The following NIT2 variants were observed in gnomAD, a reference collection of about 807,000 sequenced individuals.
NIT2 encodes nitrilase family member 2, also known as omega-amidase NIT2.
Under a neutral mutation model 42.7 loss-of-function variants are expected in NIT2, and 46 were observed. The observed-to-expected ratio is 1.08, with a 90% CI of 0.85 to 1.38. The LOEUF is 1.38. Among genes scored for constraint, NIT2 ranks in the 40% most tolerant of loss-of-function variants. NIT2 has a pLI of 0.00. For missense variants in NIT2, 309 were observed against 342.5 expected, an observed-to-expected ratio of 0.90 and a Z score of 0.77; for synonymous variants, 123 against 121.9, an observed-to-expected ratio of 1.01 and a Z score of -0.06.
At chr3:100,337,069 A>T (rs1706085049) in intron 1 of NIT2, among the ~76,000 whole-genome samples, 1 of 152,238 alleles carries the variant, frequency 6.6e-6, no homozygotes, top group Non-Finnish European at 1.5e-5. Flanking sequence ...TGCTGCCTTC[A>T]TGCATCTGTA....
intron 1 of NIT2, among the ~76,000 whole-genome samples, chr3:100,338,737 C>T (rs749587939): frequency 1.4e-4 from 22 of 152,312 alleles, no homozygotes; most frequent in Admixed American, 1.3e-3. Context: ...CCCTACACTG[C>T]GTAGTAAGAA....
At position 100,354,841 on chromosome 3, in the gene NIT2, G is replaced by T. The variant is rs775261632; in HGVS notation, c.739+14G>T. 1.2e-6 allele frequency: 2 copies of T among 1,609,360 alleles called. No homozygotes were observed. The highest frequency in any genetic ancestry group is 2.2e-5 in the South Asian group (2 of 89,898). On this transcript the variant is annotated intron_variant, in intron 9 of 9. Transcript: ENST00000394140. The stretch of plus-strand genomic sequence containing the variant: ...ATTCAGACATAGGTAAGATTTTCCT[G>T]GGCATGGTTTAGGTCTCTGATGTCC...
intron 4 of NIT2, among the ~76,000 whole-genome samples, chr3:100,342,198 T>C (rs2148881771): frequency 6.6e-6 from 1 of 152,370 alleles, no homozygotes; most frequent in Non-Finnish European, 1.5e-5. Context: ...AGCCTTCTTA[T>C]GCCTAATGTT....
intron 1 of NIT2, among the ~76,000 whole-genome samples, chr3:100,336,969 C>G (rs1706083307): frequency 6.6e-6 from 1 of 152,344 alleles, no homozygotes; most frequent in African/African-American, 2.4e-5. Flanking sequence ...GAATACCTGG[C>G]TTTCCTAGGC....
At chr3:100,334,950 G>T in intron 1 of NIT2, 152 bp downstream of exon 1, 1 of 777,172 alleles carries the variant, frequency 1.3e-6, no homozygotes, top group Non-Finnish European at 1.8e-6. Context: ...GTGGGTCCGG[G>T]ATCGCGTGGC....
At chr3:100,344,820 A>AT (rs1254595838) in intron 4 of NIT2, among the ~76,000 whole-genome samples, 7 of 151,462 alleles carry the variant, frequency 4.6e-5, no homozygotes, top group African/African-American at 1.7e-4. Flanking sequence ...AAATTTTTGT[A>AT]TTTTTAGTAG....
chr3:100,336,307 C>A (rs1380029110), intron 1 of NIT2, among the ~76,000 whole-genome samples: 1 of 152,128 alleles, frequency 6.6e-6, no homozygotes, highest in Non-Finnish European at 1.5e-5. Context: ...ATGGGAAGTT[C>A]GGGCAGGCCA....
Position 100,334,764 on chromosome 3 carries a change from G to A in NIT2, c.-28G>A. ...GCCGGATCTCCAGCGCTCAGTCCGC[G>A]CCGCAGGTGGTGCTTGTCTGCAGAG... On this transcript the variant is annotated 5_prime_UTR_variant, in exon 1 of 10. Coordinates refer to ENST00000394140, the MANE Select transcript of NIT2 (RefSeq NM_020202.5). 1 of 1,291,194 alleles carries A rather than the reference G, an allele frequency of 7.7e-7. No individual in the cohort carries two copies. The highest frequency in any genetic ancestry group is 9.9e-7 in the Non-Finnish European group (1 of 1,013,654). The allele number at this position is 1,291,194 out of a possible 1,614,324, so 80.0% of individuals were successfully genotyped here.
intron 8 of NIT2, among the ~76,000 whole-genome samples, chr3:100,353,662 T>TAC (rs1255082714): frequency 6.6e-6 from 1 of 152,232 alleles, no homozygotes; most frequent in African/African-American, 2.4e-5. Context: ...GGCTATCTGG[T>TAC]AAACAGAATC....
chr3:100,356,364 A>G lies in NIT2; in HGVS notation c.*1096A>G, dbSNP rs1053650532. ...GACACCTCTAAACACAGAGTTGGGAATAGATGTGCACAATCAGCTCTGGGG... is the reference window on the plus strand; with the variant it reads ...GACACCTCTAAACACAGAGTTGGGAGTAGATGTGCACAATCAGCTCTGGGG... On this transcript the variant is annotated 3_prime_UTR_variant, in exon 10 of 10. Coordinates refer to ENST00000394140, the MANE Select transcript of NIT2 (RefSeq NM_020202.5). 1 of 152,272 alleles carries G rather than the reference A, an allele frequency of 6.6e-6. No homozygotes were observed. The highest frequency in any genetic ancestry group is 1.5e-5 in the Non-Finnish European group (1 of 68,044). The allele number at this position is 152,272 out of a possible 1,614,324, so 9.4% of individuals were successfully genotyped here.
chr3:100,344,444 T>C (rs934681916), intron 4 of NIT2, among the ~76,000 whole-genome samples: 2 of 152,258 alleles, frequency 1.3e-5, no homozygotes, highest in Admixed American at 6.5e-5. Flanking sequence ...ACAGCCAGCA[T>C]TGGACTATTA....
Position 100,355,517 on chromosome 3 carries a change from G to T in NIT2, c.*249G>T. 2.5e-6 allele frequency: 1 copy of T among 396,976 alleles called. No homozygotes were observed. Among genetic ancestry groups the T allele is most frequent in the South Asian group, 5.1e-5 (1 of 19,518 alleles). The allele number at this position is 396,976 out of a possible 1,614,324, so 24.6% of individuals were successfully genotyped here. A position where few individuals can be genotyped will look rare whatever the true frequency, so the allele number is the denominator to read the frequency against. ...CTGAAGCTTCTTCCATACTTAAGTT[G>T]CCTCCAAGCAGTTTGTGAAAGTATC... On this transcript the variant is annotated 3_prime_UTR_variant, in exon 10 of 10. Transcript: ENST00000394140.
chr3:100,350,733 A>G (rs554770077), intron 7 of NIT2, among the ~76,000 whole-genome samples: 2 of 152,306 alleles, frequency 1.3e-5, no homozygotes, highest in African/African-American at 4.8e-5. Flanking sequence ...TGGCTTATGC[A>G]GTAAGGTAAC....
intron 7 of NIT2, among the ~76,000 whole-genome samples, chr3:100,351,760 A>G (rs535506253): frequency 6.6e-6 from 1 of 152,352 alleles, no homozygotes; most frequent in South Asian, 2.1e-4. Flanking sequence ...GACAAATGGG[A>G]TCTAATTAAA....
chr3:100,335,160 A>G, intron 1 of NIT2: 1 of 299,186 alleles, frequency 3.3e-6, no homozygotes, highest in South Asian at 2.5e-5. Flanking sequence ...GACCTCCTCC[A>G]GCCCCGCCCT....
Position 100,358,161 on chromosome 3 carries a change from T to A in NIT2, c.*2893T>A, listed in dbSNP as rs1361623818. 3 of 152,216 alleles carry A rather than the reference T, an allele frequency of 2.0e-5. No homozygotes were observed. Among genetic ancestry groups the A allele is most frequent in the Non-Finnish European group, 2.9e-5 (2 of 68,046 alleles). The allele number at this position is 152,216 out of a possible 1,614,324, so 9.4% of individuals were successfully genotyped here. The stretch of plus-strand genomic sequence containing the variant: ...ATCAGGAGATCTTGCCTTCTGGTAC[T>A]CTTGAAAAATATGAAAAGAAACAAC... On this transcript the variant is annotated 3_prime_UTR_variant, in exon 10 of 10. Coordinates refer to ENST00000394140, the MANE Select transcript of NIT2 (RefSeq NM_020202.5).
chr3:100,339,257 C>T (rs759584228), intron 2 of NIT2, 52 bp downstream of exon 2: 35 of 1,147,116 alleles, frequency 3.1e-5, no homozygotes, highest in Admixed American at 1.2e-4. Flanking sequence ...CCAAGCAGAA[C>T]GGTGTTTGCT....
intron 4 of NIT2, among the ~76,000 whole-genome samples, chr3:100,342,185 T>C (rs890244300): frequency 6.6e-6 from 1 of 152,226 alleles, no homozygotes; most frequent in Non-Finnish European, 1.5e-5. Flanking sequence ...CTATAGCCAC[T>C]CCAGCCTTCT....
rs1706347320 is a variant in NIT2 at position 100,358,860 on chromosome 3, C to G, written c.*3592C>G. 1 of 152,108 alleles carries G rather than the reference C, an allele frequency of 6.6e-6. No individual in the cohort carries two copies. The highest frequency in any genetic ancestry group is 1.5e-5 in the Non-Finnish European group (1 of 68,022). The allele number at this position is 152,108 out of a possible 1,614,324, so 9.4% of individuals were successfully genotyped here. ...CACTGGTTTTAAGTCTTTTGTGCTACTTTTTAGGCATTGCTGTGTAAGTTT... is the reference window on the plus strand; with the variant it reads ...CACTGGTTTTAAGTCTTTTGTGCTAGTTTTTAGGCATTGCTGTGTAAGTTT... On this transcript the variant is annotated 3_prime_UTR_variant, in exon 10 of 10. Coordinates refer to ENST00000394140, the MANE Select transcript of NIT2 (RefSeq NM_020202.5).
Sources: gnomAD v4.1 joint callset for allele counts (sites outside exome capture counted in the v4.1 genomes callset) on GRCh38, gnomAD v4.1.1 for gene constraint, MANE v1.5 for transcripts, NCBI Gene and HGNC (gene_info 2026-07-23, HGNC 2026-07-21) for gene names.